The following CSGALNACT1 variants were observed in gnomAD, a reference collection of about 807,000 sequenced individuals.
CSGALNACT1 encodes chondroitin sulfate N-acetylgalactosaminyltransferase 1.
CSGALNACT1 carries 52 observed loss-of-function variants against 51.0 expected under a neutral mutation model. The ratio of observed to expected loss-of-function variants is 1.02; its 90% CI spans 0.82 to 1.29. CSGALNACT1 has a LOEUF of 1.29. Ranked by LOEUF, CSGALNACT1 falls within the 50% of genes most tolerant of loss-of-function variation. The pLI is 0.00. For missense variants in CSGALNACT1, 935 were observed against 679.2 expected (o/e 1.38, Z -4.19); for synonymous variants, 341 against 254.4 (o/e 1.34, Z -3.24).
At chr8:19,448,153 G>C (rs924188159) in intron 5 of CSGALNACT1, among the ~76,000 whole-genome samples, 6 of 152,202 alleles carry the variant, frequency 3.9e-5, no homozygotes, top group African/African-American at 1.2e-4. Flanking sequence ...GAAGGTTGGA[G>C]ATCTTGCCAG....
chr8:19,459,183 T>TGA (rs1254649826), intron 4 of CSGALNACT1, among the ~76,000 whole-genome samples: 1 of 152,008 alleles, frequency 6.6e-6, no homozygotes, highest in Non-Finnish European at 1.5e-5. Context: ...GTTAAGAGTC[T>TGA]GAGAACAGCC....
At chr8:19,647,479 T>G (rs772297032) in intron 1 of CSGALNACT1, among the ~76,000 whole-genome samples, 1 of 152,226 alleles carries the variant, frequency 6.6e-6, no homozygotes. Flanking sequence ...CTTGGCATGT[T>G]ATTTTTGCTC....
At position 19,505,184 on chromosome 8, in the gene CSGALNACT1, A is replaced by T. The variant is rs369969383; in HGVS notation, c.634+17T>A. On this transcript the variant is annotated intron_variant, in intron 4 of 9. Coordinates refer to ENST00000454498, the Ensembl canonical transcript of CSGALNACT1. ...TTCCTTTTCTTCTCCTTTCCCCCCA[A>T]TTCACAAAATGCTAACCTTCTATGA... 1.9e-6 allele frequency: 3 copies of T among 1,613,786 alleles called. No individual in the cohort carries two copies. Among genetic ancestry groups the T allele is most frequent in the East Asian group, 2.2e-5 (1 of 44,884 alleles).
intron 1 of CSGALNACT1, among the ~76,000 whole-genome samples, chr8:19,610,615 C>T (rs1291881178): frequency 2.0e-5 from 3 of 152,192 alleles, no homozygotes; most frequent in African/African-American, 7.2e-5. Flanking sequence ...AGAAGGAGAA[C>T]AATGCAGAGT....
chr8:19,698,275 CATCA>C, intron 1 of CSGALNACT1, among the ~76,000 whole-genome samples: 1 of 152,334 alleles, frequency 6.6e-6, no homozygotes, highest in African/African-American at 2.4e-5. Context: ...ACGCTCTTTC[CATCA>C]TACACTTTGG....
At chr8:19,654,731 G>C (rs1039835564) in intron 1 of CSGALNACT1, among the ~76,000 whole-genome samples, 1 of 151,996 alleles carries the variant, frequency 6.6e-6, no homozygotes, top group Non-Finnish European at 1.5e-5. Context: ...TTTTGGTAGA[G>C]ACAGGGTTTT....
chr8:19,445,981 C>T (rs550434840), intron 5 of CSGALNACT1, among the ~76,000 whole-genome samples: 1 of 152,148 alleles, frequency 6.6e-6, no homozygotes, highest in Non-Finnish European at 1.5e-5. Context: ...TCAAGACCAC[C>T]CTGGCCAACA....
chr8:19,429,000 C>G (rs2059246464), intron 6 of CSGALNACT1, among the ~76,000 whole-genome samples: 1 of 152,034 alleles, frequency 6.6e-6, no homozygotes, highest in Non-Finnish European at 1.5e-5. Flanking sequence ...TCACCTCTTT[C>G]TAGTTACAAA....
At chr8:19,446,294 C>A (rs570607801) in intron 5 of CSGALNACT1, among the ~76,000 whole-genome samples, 21 of 152,266 alleles carry the variant, frequency 1.4e-4, no homozygotes, top group African/African-American at 5.1e-4. Flanking sequence ...GTACCTGGGT[C>A]CCTTGGGCTG....
At chr8:19,734,942 A>G (rs1227677345) in intron 1 of CSGALNACT1, among the ~76,000 whole-genome samples, 2 of 152,160 alleles carry the variant, frequency 1.3e-5, no homozygotes, top group African/African-American at 2.4e-5. Flanking sequence ...GAGCCCTGAA[A>G]TAACAGGAAA....
intron 1 of CSGALNACT1, among the ~76,000 whole-genome samples, chr8:19,716,617 A>C (rs2062825309): frequency 7.6e-6 from 1 of 131,904 alleles, no homozygotes; most frequent in South Asian, 2.3e-4. Flanking sequence ...CTCTACAAAA[A>C]AAAAAAAAAA....
At chr8:19,410,517 C>G (rs919152741) in intron 8 of CSGALNACT1, among the ~76,000 whole-genome samples, 4 of 152,140 alleles carry the variant, frequency 2.6e-5, no homozygotes, top group Non-Finnish European at 4.4e-5. Context: ...TCAAATATTT[C>G]GCTGAGGATC....
chr8:19,455,615 G>T (rs887584863), intron 5 of CSGALNACT1, among the ~76,000 whole-genome samples: 1 of 152,078 alleles, frequency 6.6e-6, no homozygotes, highest in Non-Finnish European at 1.5e-5. Context: ...TCTTTAATAA[G>T]GTTTTATGAA....
chr8:19,655,565 C>T (rs369838466), intron 1 of CSGALNACT1, among the ~76,000 whole-genome samples: 35 of 59,190 alleles, frequency 5.9e-4, no homozygotes, highest in African/African-American at 9.7e-4. Flanking sequence ...TATATACACA[C>T]ACACACACAC....
At chr8:19,594,171 A>G (rs981739190) in intron 2 of CSGALNACT1, among the ~76,000 whole-genome samples, 1 of 152,198 alleles carries the variant, frequency 6.6e-6, no homozygotes, top group Admixed American at 6.5e-5. Flanking sequence ...AGAAGAACAG[A>G]AAAACATGGA....
intron 1 of CSGALNACT1, among the ~76,000 whole-genome samples, chr8:19,724,562 C>T (rs2063292589): frequency 6.6e-6 from 1 of 152,196 alleles, no homozygotes; most frequent in Non-Finnish European, 1.5e-5. Flanking sequence ...AGATCCCTCC[C>T]TTCATCACAT....
intron 1 of CSGALNACT1, among the ~76,000 whole-genome samples, chr8:19,728,782 T>G (rs2063538204): frequency 6.6e-6 from 1 of 152,162 alleles, no homozygotes; most frequent in Non-Finnish European, 1.5e-5. Flanking sequence ...TCGAACATTT[T>G]TAGGTGTGTA....
intron 1 of CSGALNACT1, among the ~76,000 whole-genome samples, chr8:19,674,198 C>T (rs537394795): frequency 3.9e-5 from 6 of 152,044 alleles, no homozygotes; most frequent in Non-Finnish European, 8.8e-5. Flanking sequence ...GAGGCTGAGG[C>T]AGGAGAATTG....
chr8:19,473,196 A>G (rs965332096), intron 4 of CSGALNACT1, among the ~76,000 whole-genome samples: 1 of 152,214 alleles, frequency 6.6e-6, no homozygotes, highest in African/African-American at 2.4e-5. Context: ...AGGATATACA[A>G]ATTAGCATAT....
Sources: gnomAD v4.1 joint callset for allele counts (sites outside exome capture counted in the v4.1 genomes callset) on GRCh38, gnomAD v4.1.1 for gene constraint, MANE v1.5 for transcripts, NCBI Gene and HGNC (gene_info 2026-07-23, HGNC 2026-07-21) for gene names.